TMC5: variants seen among roughly 807,000 people sequenced by gnomAD.
TMC5 encodes the protein transmembrane channel-like protein 5.
TMC5 carries 86 observed loss-of-function variants against 110.5 expected under a neutral mutation model. The ratio of observed to expected loss-of-function variants is 0.78; its 90% confidence interval spans 0.65 to 0.93. The LOEUF is 0.93. TMC5 is among the 40% of genes least tolerant of loss of function. TMC5 has a pLI of 0.00. For missense variants in TMC5, 1,144 were observed against 1,222.8 expected, an observed-to-expected ratio of 0.94 and a Z score of 0.96; for synonymous variants, 455 against 439.5, an observed-to-expected ratio of 1.04 and a Z score of -0.44.
At position 19,487,021 on chromosome 16, in the gene TMC5, G is replaced by A; in HGVS notation, c.2439+1G>A. On this transcript the variant is annotated splice_donor_variant, in intron 16 of 21. Coordinates refer to ENST00000542583, the MANE Select transcript of TMC5 (RefSeq NM_001261841.2). LOFTEE classifies it high-confidence loss of function. Reference sequence around the variant, plus strand: ...TTTCATCATGTTCTACTCCAAAAATGTGAGTCAGTCCGACATTGCCATCAA... The same window carrying A: ...TTTCATCATGTTCTACTCCAAAAATATGAGTCAGTCCGACATTGCCATCAA... 6.2e-7 allele frequency: 1 copy of A among 1,613,898 alleles called. No homozygotes were observed. The highest frequency in any genetic ancestry group is 8.5e-7 in the Non-Finnish European group (1 of 1,179,958).
intron 15 of TMC5, among the ~76,000 whole-genome samples, chr16:19,486,622 C>A (rs979245248): frequency 6.6e-6 from 1 of 152,046 alleles, no homozygotes; most frequent in Non-Finnish European, 1.5e-5. Context: ...GGTGATTCAC[C>A]CCCTCTTGGC....
Position 19,490,769 on chromosome 16 carries a change from T to TTCCTTCCTTCTTTCCCTTCC in TMC5, c.2747+202_2747+203insCCTTCCTTCTTTCCCTTCCT, listed in dbSNP as rs1447162337. 6.2e-4 allele frequency among the ~76,000 whole-genome samples: 29 copies of TTCCTTCCTTCTTTCCCTTCC among 46,628 alleles called. 1 individual carries two copies. The highest frequency in any genetic ancestry group is 1.1e-3 in the African/African-American group (27 of 24,690). The allele number at this position is 46,628 out of a possible 152,430, so 30.6% of individuals were successfully genotyped here. On this transcript the variant is annotated intron_variant, in intron 18 of 21. Transcript: ENST00000542583. ...TTCCTTCCTTCCTTCCTTCCCTTCC[T>TTCCTTCCTTCTTTCCCTTCC]TTTTTTCTTTTCTCTTCTCTTCCCT...
intron 5 of TMC5, among the ~76,000 whole-genome samples, chr16:19,459,050 T>A (rs1412769790): frequency 6.6e-6 from 1 of 151,904 alleles, no homozygotes; most frequent in East Asian, 1.9e-4. Flanking sequence ...TTTTGCTTTT[T>A]TTTTTTTTGA....
intron 4 of TMC5, among the ~76,000 whole-genome samples, chr16:19,445,188 C>T (rs988479882): frequency 1.3e-5 from 2 of 151,826 alleles, no homozygotes; most frequent in African/African-American, 4.8e-5. Flanking sequence ...TTTGAAAAAT[C>T]ATGTTGTCCT....
At chr16:19,466,033 CT>C (rs752827979) in intron 8 of TMC5, 48 bp from the exon 9 acceptor site, 18 of 1,595,728 alleles carry the variant, frequency 1.1e-5, no homozygotes, top group African/African-American at 2.7e-5. Context: ...AATCGTTTAC[CT>C]TTTTTTTCAG....
At chr16:19,471,393 A>G (rs936503871) in intron 10 of TMC5, among the ~76,000 whole-genome samples, 11 of 152,212 alleles carry the variant, frequency 7.2e-5, no homozygotes, top group Non-Finnish European at 2.9e-5. Flanking sequence ...ACCCAGCCAA[A>G]TAAAGGGGCT....
At chr16:19,446,018 AAAAG>A (rs1205740319) in intron 4 of TMC5, among the ~76,000 whole-genome samples, 2 of 129,648 alleles carry the variant, frequency 1.5e-5, no homozygotes, top group Non-Finnish European at 3.1e-5. Context: ...CTGTCGCAAA[AAAAG>A]AAAGGACCGG....
chr16:19,447,112 C>A (rs1306753628), intron 4 of TMC5, among the ~76,000 whole-genome samples: 1 of 152,148 alleles, frequency 6.6e-6, no homozygotes, highest in Admixed American at 6.6e-5. Flanking sequence ...AATCCAGAGT[C>A]GTACAATAAA....
At chr16:19,438,390 C>A (rs954104041) in intron 2 of TMC5, among the ~76,000 whole-genome samples, 775 of 59,886 alleles carry the variant, frequency 0.013, 1 homozygote, top group East Asian at 0.034. Flanking sequence ...GACACCCTGT[C>A]AAAAAAAAAA....
intron 4 of TMC5, among the ~76,000 whole-genome samples, chr16:19,444,812 A>G (rs1465842222): frequency 1.3e-5 from 2 of 152,342 alleles, no homozygotes; most frequent in East Asian, 3.9e-4. Flanking sequence ...TAAAGCCTAA[A>G]TAGGTCAACA....
At chr16:19,456,902 G>C (rs749565387) in intron 5 of TMC5, 24 of 1,614,186 alleles carry the variant, frequency 1.5e-5, no homozygotes, top group Non-Finnish European at 2.0e-5. Context: ...TGACCAAAAG[G>C]GTAACCAGGT....
chr16:19,429,932 G>A (rs1287216478), intron 1 of TMC5, among the ~76,000 whole-genome samples: 1 of 151,116 alleles, frequency 6.6e-6, no homozygotes, highest in Non-Finnish European at 1.5e-5. Flanking sequence ...ATTTTAACTT[G>A]ATTACCTCCA....
chr16:19,436,273 G>A (rs79230651), intron 2 of TMC5, among the ~76,000 whole-genome samples: 311 of 107,508 alleles, frequency 2.9e-3, no homozygotes, highest in South Asian at 3.1e-3. Context: ...GTCTCAAAAA[G>A]AAAAAAAAAA....
intron 17 of TMC5, 90 bp from the exon 18 acceptor site, chr16:19,490,305 A>G: frequency 1.5e-6 from 2 of 1,308,550 alleles, no homozygotes; most frequent in East Asian, 2.3e-5. Flanking sequence ...TGATGTTTTC[A>G]GGCCCAGAGC....
chr16:19,492,943 A>ATATATATATATATATATATATATAT lies in TMC5; in HGVS notation c.2826+715_2826+716insTATATATATATATATATATATATAT, dbSNP rs61334845. On this transcript the variant is annotated intron_variant, in intron 19 of 21. Transcript: ENST00000542583. Reference sequence around the variant, plus strand: ...ATATATATATATATATCTCTCTATAAGATAAATACTTTTATTTCATTTATT... The same window carrying ATATATATATATATATATATATATAT: ...ATATATATATATATATCTCTCTATAATATATATATATATATATATATATATGATAAATACTTTTATTTCATTTATT... 3.5e-3 allele frequency among the ~76,000 whole-genome samples: 320 copies of ATATATATATATATATATATATATAT among 91,792 alleles called. 59 individuals are homozygous for ATATATATATATATATATATATATAT. The highest frequency in any genetic ancestry group is 5.9e-3 in the South Asian group (11 of 1,856). 60.2% of individuals were successfully genotyped at this position (91,792 alleles called of 152,430 possible).
At chr16:19,422,300 AAG>A (rs924442879) in intron 1 of TMC5, among the ~76,000 whole-genome samples, 1 of 151,882 alleles carries the variant, frequency 6.6e-6, no homozygotes, top group African/African-American at 2.4e-5. Flanking sequence ...AGGGGGGGAA[AAG>A]AGAGAGAGAA....
At chr16:19,468,682 C>T (rs1314560803) in intron 9 of TMC5, among the ~76,000 whole-genome samples, 2 of 152,100 alleles carry the variant, frequency 1.3e-5, no homozygotes, top group Non-Finnish European at 2.9e-5. Context: ...GAAGATGCTA[C>T]CCTGCTGGCT....
Position 19,498,703 on chromosome 16 carries a change from T to A in TMC5, c.*737T>A, listed in dbSNP as rs902131146. The stretch of plus-strand genomic sequence containing the variant: ...TTCCCAATACCCCACCGTGATGACT[T>A]GAAATATAATCAGCGCTGGCAATTT... On this transcript the variant is annotated 3_prime_UTR_variant, in exon 22 of 22. Transcript: ENST00000542583. The A allele has an allele frequency of 3.3e-5, 5 of 152,068 alleles. No individual in the cohort carries two copies. The highest frequency in any genetic ancestry group is 7.2e-5 in the African/African-American group (3 of 41,386). The allele number at this position is 152,068 out of a possible 1,614,324, so 9.4% of individuals were successfully genotyped here. A position where few individuals can be genotyped will look rare whatever the true frequency, so the allele number is the denominator to read the frequency against.
At chr16:19,492,399 A>G in intron 19 of TMC5, 171 bp downstream of exon 19, 1 of 421,416 alleles carries the variant, frequency 2.4e-6, no homozygotes, top group Middle Eastern at 3.2e-4. Context: ...TCTTCCCAGC[A>G]AATCCCTTAT....
Sources: allele counts gnomAD v4.1 joint callset (sites outside exome capture counted in the v4.1 genomes callset), GRCh38; gene constraint gnomAD v4.1.1; transcripts MANE v1.5; gene names NCBI Gene and HGNC (gene_info 2026-07-23, HGNC 2026-07-21).